The following ACSS3 variants were observed in gnomAD, a reference collection of about 807,000 sequenced individuals.
ACSS3 encodes the protein acyl-CoA synthetase short chain family member 3, also known as acyl-CoA synthetase short-chain family member 3, mitochondrial.
Under a neutral mutation model 84.2 loss-of-function variants are expected in ACSS3, and 64 were observed. The observed-to-expected ratio is 0.76, with a 90% CI of 0.62 to 0.94. ACSS3 has a LOEUF of 0.94. Among genes scored for constraint, ACSS3 ranks in the 40% least tolerant of loss-of-function variants. ACSS3 has a pLI of 0.00. For synonymous variants in ACSS3, 317 were observed against 310.1 expected (o/e 1.02, Z -0.23); for missense variants, 815 against 867.6 (o/e 0.94, Z 0.76).
Position 81,107,125 on chromosome 12 carries a change from A to G in ACSS3, c.312-2435A>G, listed in dbSNP as rs1159829432. On this transcript the variant is annotated intron_variant, in intron 1 of 15. Transcript: ENST00000548058. ...GAAAAGAAGGTTAGGGCTGGAGATC[A>G]AAGTGGAAGTTGAAACCAGAAGAGT... 2.0e-5 allele frequency among the ~76,000 whole-genome samples: 3 copies of G among 152,102 alleles called. No homozygotes were observed. The South Asian group carries it at 6.2e-4, about 31-fold the overall frequency.
chr12:81,181,747 C>CAAAAAAAAAAAAAAAAAAAAAAAAAAAA (rs59878486), intron 8 of ACSS3, among the ~76,000 whole-genome samples: 1 of 47,916 alleles, frequency 2.1e-5, no homozygotes, highest in Non-Finnish European at 3.6e-5. Context: ...ATCAATTAAG[C>CAAAAAAAAAAAAAAAAAAAAAAAAAAAA]AAAAAAAAAA....
chr12:81,108,917 G>A (rs929171457), intron 1 of ACSS3, among the ~76,000 whole-genome samples: 1 of 151,840 alleles, frequency 6.6e-6, no homozygotes, highest in African/African-American at 2.4e-5. Context: ...CTGTGTTTTC[G>A]AAGGAAAACA....
intron 2 of ACSS3, among the ~76,000 whole-genome samples, chr12:81,125,027 A>G (rs1367221635): frequency 6.6e-6 from 1 of 152,186 alleles, no homozygotes; most frequent in Non-Finnish European, 1.5e-5. Flanking sequence ...ATCCTGGCTA[A>G]CACGGTGAAA....
At chr12:81,171,707 T>C (rs2030056200) in intron 7 of ACSS3, among the ~76,000 whole-genome samples, 2 of 152,184 alleles carry the variant, frequency 1.3e-5, no homozygotes, top group African/African-American at 4.8e-5. Flanking sequence ...TTATAAAAAG[T>C]ATGATGTAGT....
intron 4 of ACSS3, among the ~76,000 whole-genome samples, chr12:81,140,916 A>T (rs1566000080): frequency 6.6e-6 from 1 of 152,144 alleles, no homozygotes; most frequent in East Asian, 1.9e-4. Flanking sequence ...GTACTTCCAA[A>T]TATTTTTTCT....
intron 9 of ACSS3, among the ~76,000 whole-genome samples, chr12:81,209,563 A>G (rs1437736552): frequency 6.6e-6 from 1 of 152,070 alleles, no homozygotes; most frequent in Non-Finnish European, 1.5e-5. Context: ...TACCTGAAAG[A>G]GCTCCTGATC....
At chr12:81,211,226 T>C (rs1277219173) in intron 9 of ACSS3, among the ~76,000 whole-genome samples, 1 of 152,202 alleles carries the variant, frequency 6.6e-6, no homozygotes, top group African/African-American at 2.4e-5. Context: ...GCAGTGCACC[T>C]GCCTTGGCCT....
chr12:81,215,456 A>G (rs534473477), intron 9 of ACSS3, among the ~76,000 whole-genome samples: 1 of 152,296 alleles, frequency 6.6e-6, no homozygotes, highest in Admixed American at 6.5e-5. Flanking sequence ...TGTGAATAAT[A>G]AAATGAACTA....
intron 11 of ACSS3, among the ~76,000 whole-genome samples, chr12:81,229,667 A>C (rs2033389548): frequency 6.6e-6 from 1 of 151,972 alleles, no homozygotes; most frequent in African/African-American, 2.4e-5. Flanking sequence ...AGCAACAGCA[A>C]AAACACAACA....
chr12:81,216,173 G>A (rs896176920), intron 9 of ACSS3, among the ~76,000 whole-genome samples: 20 of 150,562 alleles, frequency 1.3e-4, no homozygotes, highest in Non-Finnish European at 4.4e-5. Context: ...GTTTTTTTCT[G>A]TGTGTAATCT....
At chr12:81,084,039 T>C (rs1881163843) in intron 1 of ACSS3, among the ~76,000 whole-genome samples, 1 of 152,178 alleles carries the variant, frequency 6.6e-6, no homozygotes, top group African/African-American at 2.4e-5. Context: ...AACACTCGGC[T>C]GGAACTGAGC....
intron 2 of ACSS3, among the ~76,000 whole-genome samples, chr12:81,130,498 T>C (rs975502717): frequency 2.0e-5 from 3 of 152,198 alleles, no homozygotes; most frequent in African/African-American, 7.2e-5. Flanking sequence ...TGTAAATTTG[T>C]TTAAGTTCTT....
At position 81,080,352 on chromosome 12, in the gene ACSS3, T is replaced by C. The variant is rs143715332; in HGVS notation, c.311+1921T>C. ...TTTTTCTTTGTAATATCTAGTTGCT[T>C]GTCTACATTTTTTTAAATGGTGTGT... On this transcript the variant is annotated intron_variant, in intron 1 of 15. Transcript: ENST00000548058. Among the ~76,000 whole-genome samples the C allele has an allele frequency of 3.0e-4, 46 of 151,838 alleles. No homozygotes were observed. The East Asian group carries it at 7.4e-3, about 24-fold the overall frequency.
intron 8 of ACSS3, among the ~76,000 whole-genome samples, chr12:81,194,269 T>C (rs919288127): frequency 4.0e-5 from 6 of 151,856 alleles, no homozygotes; most frequent in African/African-American, 1.4e-4. Context: ...TAAATATTTA[T>C]GATATTATAT....
At chr12:81,198,639 A>T (rs543742968) in intron 8 of ACSS3, among the ~76,000 whole-genome samples, 1 of 151,518 alleles carries the variant, frequency 6.6e-6, no homozygotes, top group South Asian at 2.1e-4. Flanking sequence ...CGAACCACTA[A>T]TGGGGTCAAC....
chr12:81,166,944 A>G (rs1481591653), intron 7 of ACSS3, among the ~76,000 whole-genome samples: 1 of 152,242 alleles, frequency 6.6e-6, no homozygotes, highest in Non-Finnish European at 1.5e-5. Context: ...CTGAATAAGA[A>G]AAACCTTAAT....
intron 2 of ACSS3, among the ~76,000 whole-genome samples, chr12:81,128,547 C>A (rs1187780830): frequency 1.3e-5 from 2 of 152,070 alleles, no homozygotes; most frequent in African/African-American, 2.4e-5. Flanking sequence ...ACTGGTCTAT[C>A]CTTGTGTAAA....
chr12:81,165,645 C>T (rs1383402834), intron 7 of ACSS3, among the ~76,000 whole-genome samples: 4 of 134,500 alleles, frequency 3.0e-5, no homozygotes, highest in Non-Finnish European at 4.7e-5. Context: ...GACTCTGTCT[C>T]AAAAAGAAAA....
At chr12:81,250,256 A>G (rs1389635004) in intron 13 of ACSS3, among the ~76,000 whole-genome samples, 1 of 152,058 alleles carries the variant, frequency 6.6e-6, no homozygotes, top group East Asian at 1.9e-4. Flanking sequence ...TTGGCATGCA[A>G]ATAATATTTA....
Sources: allele counts gnomAD v4.1 joint callset (sites outside exome capture counted in the v4.1 genomes callset), GRCh38; gene constraint gnomAD v4.1.1; transcripts MANE v1.5; gene names NCBI Gene and HGNC (gene_info 2026-07-23, HGNC 2026-07-21).